The following RNF180 variants were observed in gnomAD, a reference collection of about 807,000 sequenced individuals.
RNF180 encodes the protein ring finger protein 180.
In RNF180, 38 loss-of-function variants were observed where a neutral mutation model predicts 59.2. The observed-to-expected ratio is 0.64, with a 90% CI of 0.50 to 0.84. The LOEUF is 0.84. RNF180 is among the 40% of genes least tolerant of loss of function. RNF180 has a pLI of 0.00. For missense variants in RNF180, 705 were observed against 700.9 expected, an observed-to-expected ratio of 1.01 and a Z score of -0.07; for synonymous variants, 262 against 240.3, an observed-to-expected ratio of 1.09 and a Z score of -0.84.
chr5:64,172,678 G>T (rs1395802592), intron 1 of RNF180, among the ~76,000 whole-genome samples: 1 of 152,176 alleles, frequency 6.6e-6, no homozygotes, highest in African/African-American at 2.4e-5. Context: ...ATATGTAGAT[G>T]AAATACTCTT....
intron 1 of RNF180, among the ~76,000 whole-genome samples, chr5:64,191,466 C>T (rs989088711): frequency 6.6e-6 from 1 of 152,116 alleles, no homozygotes; most frequent in Non-Finnish European, 1.5e-5. Flanking sequence ...TCTCCTCCCC[C>T]CAGATACTTA....
chr5:64,231,478 G>T (rs1742098206), intron 5 of RNF180, among the ~76,000 whole-genome samples: 1 of 152,200 alleles, frequency 6.6e-6, no homozygotes, highest in South Asian at 2.1e-4. Flanking sequence ...CTCAAATGGT[G>T]CAAATTTAAT....
At chr5:64,296,427 C>G (rs1227754542) in intron 5 of RNF180, among the ~76,000 whole-genome samples, 1 of 152,082 alleles carries the variant, frequency 6.6e-6, no homozygotes, top group Admixed American at 6.6e-5. Flanking sequence ...ATTTTATTGA[C>G]TCAAGACAAA....
chr5:64,183,137 A>G (rs1469679060), intron 1 of RNF180, among the ~76,000 whole-genome samples: 1 of 152,176 alleles, frequency 6.6e-6, no homozygotes, highest in Non-Finnish European at 1.5e-5. Flanking sequence ...AGAAATCTCA[A>G]GACTAGAAAA....
chr5:64,185,362 G>A (rs1750818194), intron 1 of RNF180, among the ~76,000 whole-genome samples: 1 of 152,042 alleles, frequency 6.6e-6, no homozygotes, highest in Non-Finnish European at 1.5e-5. Context: ...CATTTAAAAA[G>A]TACTGCTTTA....
rs762640469 is a variant in RNF180 at position 64,214,350 on chromosome 5, A to C, written c.1024A>C (p.Met342Leu). ...GGACCTGCCCTCAGCTGGCAGGAGC[A>C]TGCCGGAGGCCTCAGACCAGGAAGA... ...LMDLPSAGRS[M>L]PEASDQEEHL... Residue 342 changes from methionine to leucine, a missense_variant, in exon 4 of 8, where the codon ATG becomes CTG. Transcript: ENST00000389100. 1 of 1,613,964 alleles carries C rather than the reference A, an allele frequency of 6.2e-7. No homozygotes were observed. The highest frequency in any genetic ancestry group is 8.5e-7 in the Non-Finnish European group (1 of 1,179,996).
At chr5:64,222,838 C>T (rs1045602885) in intron 5 of RNF180, among the ~76,000 whole-genome samples, 9 of 152,064 alleles carry the variant, frequency 5.9e-5, no homozygotes, top group Admixed American at 2.6e-4. Flanking sequence ...ACATGAGTTT[C>T]GGGGAGGAAG....
chr5:64,226,800 T>G (rs1471032932), intron 5 of RNF180, among the ~76,000 whole-genome samples: 1 of 152,178 alleles, frequency 6.6e-6, no homozygotes, highest in African/African-American at 2.4e-5. Flanking sequence ...AAATAACTAT[T>G]GAATTTGGCC....
chr5:64,168,891 C>T (rs1749789764), intron 1 of RNF180, among the ~76,000 whole-genome samples: 1 of 152,116 alleles, frequency 6.6e-6, no homozygotes, highest in Non-Finnish European at 1.5e-5. Flanking sequence ...AATTGGGTAG[C>T]ATCTCATTCC....
intron 1 of RNF180, among the ~76,000 whole-genome samples, chr5:64,192,926 T>TATAA (rs2112013020): frequency 7.3e-6 from 1 of 137,818 alleles, no homozygotes; most frequent in Non-Finnish European, 1.5e-5. Flanking sequence ...TATATATATA[T>TATAA]ATATATATAT....
chr5:64,263,259 A>T (rs973304542), intron 5 of RNF180, among the ~76,000 whole-genome samples: 1 of 152,176 alleles, frequency 6.6e-6, no homozygotes, highest in Admixed American at 6.6e-5. Context: ...ACTTCAATTA[A>T]AACAGCAGTG....
intron 1 of RNF180, among the ~76,000 whole-genome samples, chr5:64,191,191 A>G (rs1275076580): frequency 6.6e-6 from 1 of 152,168 alleles, no homozygotes; most frequent in Non-Finnish European, 1.5e-5. Context: ...GAAAGTTCCC[A>G]TTTATTTCTG....
At chr5:64,348,407 C>T (rs1745639039) in intron 7 of RNF180, among the ~76,000 whole-genome samples, 1 of 152,010 alleles carries the variant, frequency 6.6e-6, no homozygotes. Flanking sequence ...TTCTGCATTC[C>T]TTAGAGTCCT....
chr5:64,301,263 A>G (rs1743146454), intron 5 of RNF180, among the ~76,000 whole-genome samples: 1 of 151,888 alleles, frequency 6.6e-6, no homozygotes, highest in African/African-American at 2.4e-5. Context: ...TGTATTTACA[A>G]ATATAAATGC....
chr5:64,230,224 A>G (rs2112193754), intron 5 of RNF180, among the ~76,000 whole-genome samples: 1 of 152,334 alleles, frequency 6.6e-6, no homozygotes, highest in Non-Finnish European at 1.5e-5. Flanking sequence ...GTACTTTGAT[A>G]CTATGTTCAT....
At chr5:64,169,252 T>C (rs1749812135) in intron 1 of RNF180, among the ~76,000 whole-genome samples, 1 of 152,206 alleles carries the variant, frequency 6.6e-6, no homozygotes, top group Non-Finnish European at 1.5e-5. Flanking sequence ...AAATATTATT[T>C]AACAATTCTG....
At chr5:64,324,638 C>T (rs978875143) in intron 5 of RNF180, among the ~76,000 whole-genome samples, 2 of 152,204 alleles carry the variant, frequency 1.3e-5, no homozygotes, top group African/African-American at 4.8e-5. Context: ...CCCATAATTA[C>T]TCTCAGTTTC....
chr5:64,197,062 C>T (rs903029039), intron 1 of RNF180, among the ~76,000 whole-genome samples: 8 of 152,200 alleles, frequency 5.3e-5, no homozygotes, highest in Middle Eastern at 3.4e-3. Flanking sequence ...TAGAGACCCA[C>T]GAATGTAGAA....
chr5:64,232,629 T>TG (rs1395829971), intron 5 of RNF180, among the ~76,000 whole-genome samples: 2 of 152,190 alleles, frequency 1.3e-5, no homozygotes, highest in African/African-American at 2.4e-5. Context: ...AGAATGAAAA[T>TG]GAATAAACCT....
Sources: gnomAD v4.1 joint callset for allele counts (sites outside exome capture counted in the v4.1 genomes callset) on GRCh38, gnomAD v4.1.1 for gene constraint, MANE v1.5 for transcripts, NCBI Gene and HGNC (gene_info 2026-07-23, HGNC 2026-07-21) for gene names.